Variants in MAL observed in about 807,000 individuals in gnomAD.
The protein encoded by MAL is mal, T cell differentiation protein (MAL blood group), also known as myelin and lymphocyte protein.
MAL carries 5 observed loss-of-function variants against 16.7 expected under a neutral mutation model. The ratio of observed to expected loss-of-function variants is 0.30; its 90% CI spans 0.16 to 0.63. The LOEUF (loss-of-function observed/expected upper bound fraction) is 0.63, where lower values mean the gene tolerates loss of function less well. Among genes scored for constraint, MAL ranks in the 30% least tolerant of loss-of-function variants. The pLI is 0.82. For synonymous variants in MAL, 96 were observed against 85.5 expected, an observed-to-expected ratio of 1.12 and a Z score of -0.67; for missense variants, 202 against 195.8, an observed-to-expected ratio of 1.03 and a Z score of -0.19.
chr2:95,046,848 A>G (rs1674596208), intron 1 of MAL, among the ~76,000 whole-genome samples: 1 of 151,558 alleles, frequency 6.6e-6, no homozygotes, highest in Non-Finnish European at 1.5e-5. Context: ...AGAGAAAGAG[A>G]AAGGGAGAGA....
rs1674632959 is a variant in MAL at position 95,048,110 on chromosome 2, C to T, written c.245C>T (p.Thr82Ile). ...LYIIGAHGGE[T>I]SWVTLDAAYH... ...ATAATTGGAGCCCACGGTGGAGAGA[C>T]TTCCTGGGTCACCTTGGTGAGTCCA... is the stretch of plus-strand genomic sequence containing the variant. The change falls in exon 2 of 4, where the codon ACT becomes ATT. Residue 82 changes from threonine to isoleucine, a missense_variant. Transcript: ENST00000309988. 5 of 1,613,388 alleles carry T rather than the reference C, an allele frequency of 3.1e-6. No individual in the cohort carries two copies. The African/African-American group carries it at 5.3e-5, about 17-fold the overall frequency.
chr2:95,047,898 G>A (rs1674626491), intron 1 of MAL, 61 bp from the exon 2 acceptor site: 13 of 1,538,630 alleles, frequency 8.4e-6, no homozygotes, highest in Non-Finnish European at 1.1e-5. Flanking sequence ...GCTGGTCGGG[G>A]GCCCTTCCTG....
In MAL at chr2:95,053,573, C is replaced by T; in HGVS notation, c.*118C>T. 1.3e-6 allele frequency: 1 copy of T among 741,840 alleles called. No individual in the cohort carries two copies. The highest frequency in any genetic ancestry group is 2.6e-5 in the Admixed American group (1 of 38,284). The allele number at this position is 741,840 out of a possible 1,614,324, so 46.0% of individuals were successfully genotyped here. A position where few individuals can be genotyped will look rare whatever the true frequency, so the allele number is the denominator to read the frequency against. On this transcript the variant is annotated 3_prime_UTR_variant, in exon 4 of 4. Coordinates refer to ENST00000309988, the MANE Select transcript of MAL (RefSeq NM_002371.4). ...ATGGTGGAAAAAAGAAAACAACCACCCCCCCACTGCCCAAAAAAAAAAGCC... is the reference window on the plus strand; with the variant it reads ...ATGGTGGAAAAAAGAAAACAACCACTCCCCCACTGCCCAAAAAAAAAAGCC...
chr2:95,036,020 G>A (rs973127931), intron 1 of MAL, among the ~76,000 whole-genome samples: 1 of 152,114 alleles, frequency 6.6e-6, no homozygotes, highest in Non-Finnish European at 1.5e-5. Context: ...TTCACAAACT[G>A]ATCCAAACCC....
At chr2:95,039,704 C>G (rs1186073836) in intron 1 of MAL, among the ~76,000 whole-genome samples, 5 of 131,632 alleles carry the variant, frequency 3.8e-5, no homozygotes, top group Admixed American at 3.1e-4. Flanking sequence ...GACTGAGTGA[C>G]TGAGTGAGGA....
chr2:95,047,187 A>G (rs767551822), intron 1 of MAL, among the ~76,000 whole-genome samples: 5 of 152,334 alleles, frequency 3.3e-5, no homozygotes, highest in South Asian at 4.1e-4. Flanking sequence ...GAGGGCTAGA[A>G]TATCAGAAGA....
chr2:95,029,214 G>T (rs1349265867), intron 1 of MAL, among the ~76,000 whole-genome samples: 3 of 152,146 alleles, frequency 2.0e-5, no homozygotes, highest in Non-Finnish European at 2.9e-5. Context: ...GCTTTCAGAT[G>T]GCATCTAAGC....
At position 95,053,770 on chromosome 2, in the gene MAL, A is replaced by G; in HGVS notation, c.*315A>G. 2.9e-6 allele frequency: 1 copy of G among 340,758 alleles called. No homozygotes were observed. The highest frequency in any genetic ancestry group is 4.1e-5 in the Admixed American group (1 of 24,458). The allele number at this position is 340,758 out of a possible 1,614,324, so 21.1% of individuals were successfully genotyped here. A position where few individuals can be genotyped will look rare whatever the true frequency, so the allele number is the denominator to read the frequency against. On this transcript the variant is annotated 3_prime_UTR_variant, in exon 4 of 4. Transcript: ENST00000309988. Reference sequence around the variant, plus strand: ...GGGAAGTGGCGACCGTGACCTGAGAAGGAAAGAAAGATCCTCTGCTGACCC... The same window carrying G: ...GGGAAGTGGCGACCGTGACCTGAGAGGGAAAGAAAGATCCTCTGCTGACCC...
At chr2:95,043,956 T>C (rs1277865443) in intron 1 of MAL, among the ~76,000 whole-genome samples, 1 of 152,138 alleles carries the variant, frequency 6.6e-6, no homozygotes, top group Non-Finnish European at 1.5e-5. Flanking sequence ...CAAGGACTGG[T>C]GTAAGAGCGT....
intron 3 of MAL, among the ~76,000 whole-genome samples, chr2:95,050,851 C>A (rs1674701090): frequency 6.6e-6 from 1 of 152,238 alleles, no homozygotes. Flanking sequence ...AGCAGCAGCA[C>A]AGCCAGGGGG....
intron 1 of MAL, among the ~76,000 whole-genome samples, chr2:95,046,859 G>C (rs1291908538): frequency 6.6e-6 from 1 of 151,206 alleles, no homozygotes; most frequent in Non-Finnish European, 1.5e-5. Flanking sequence ...AAGGGAGAGA[G>C]AGAGAGAAAG....
intron 1 of MAL, among the ~76,000 whole-genome samples, chr2:95,036,307 G>A (rs1674203858): frequency 6.6e-6 from 1 of 152,138 alleles, no homozygotes; most frequent in African/African-American, 2.4e-5. Context: ...CCCCTCCCCC[G>A]ATCTCTCCTC....
chr2:95,027,723 T>G (rs1043709927), intron 1 of MAL, among the ~76,000 whole-genome samples: 6 of 152,208 alleles, frequency 3.9e-5, no homozygotes, highest in African/African-American at 1.4e-4. Context: ...TTTTTGTTTT[T>G]GCTTTTGAGA....
At chr2:95,038,850 G>A (rs1402729533) in intron 1 of MAL, among the ~76,000 whole-genome samples, 2 of 12,410 alleles carry the variant, frequency 1.6e-4, no homozygotes, top group African/African-American at 6.4e-4. Flanking sequence ...GTGAATGACC[G>A]AGTGACTGAG....
chr2:95,049,718 C>T lies in MAL; in HGVS notation c.387+12C>T. ...ACATTGCTGCCGTGGTGAGTCCGGG[C>T]ACCTGGGGCTGTGTCCACAGCGGGC... On this transcript the variant is annotated intron_variant, in intron 3 of 3. Transcript: ENST00000309988. 1 of 1,614,000 alleles carries T rather than the reference C, an allele frequency of 6.2e-7. No homozygotes were observed. The highest frequency in any genetic ancestry group is 1.1e-5 in the South Asian group (1 of 91,056).
intron 1 of MAL, among the ~76,000 whole-genome samples, chr2:95,033,351 G>A (rs1226621039): frequency 1.3e-5 from 2 of 152,168 alleles, no homozygotes; most frequent in African/African-American, 2.4e-5. Flanking sequence ...TGCTGTATGT[G>A]TCTTAAACAC....
At chr2:95,048,166 G>T (rs763894637) in intron 2 of MAL, 40 bp downstream of exon 2, 1 of 1,559,968 alleles carries the variant, frequency 6.4e-7, no homozygotes, top group Non-Finnish European at 8.8e-7. Flanking sequence ...GTAGGGGGGC[G>T]CAGGAAGTAC....
chr2:95,053,441 T>C lies in MAL; in HGVS notation c.448T>C (p.Trp150Arg). 3.7e-6 allele frequency: 6 copies of C among 1,613,382 alleles called. No individual in the cohort carries two copies. The highest frequency in any genetic ancestry group is 5.1e-6 in the Non-Finnish European group (6 of 1,179,380). Residue 150 changes from tryptophan (W) to arginine (R), a missense_variant, in exon 4 of 4, where the codon TGG (tryptophan) becomes CGG (arginine). Physicochemically the swap from Trp to Arg is moderately radical, Grantham distance 101. Coordinates refer to ENST00000309988, the MANE Select transcript of MAL (RefSeq NM_002371.4). ...CCATGCGGTGTTCTCTTTAATCAGA[T>C]GGAAGTCTTCATAAAGCCGCAGTAG... ...VVHAVFSLIR[W>R]KSS
chr2:95,025,739 C>A lies in MAL; in HGVS notation c.-54C>A. 7.8e-7 allele frequency: 1 copy of A among 1,289,856 alleles called. No individual in the cohort carries two copies. The highest frequency in any genetic ancestry group is 1.1e-6 in the Non-Finnish European group (1 of 951,096). The allele number at this position is 1,289,856 out of a possible 1,614,324, so 79.9% of individuals were successfully genotyped here. On this transcript the variant is annotated 5_prime_UTR_variant, in exon 1 of 4. Coordinates refer to ENST00000309988, the MANE Select transcript of MAL (RefSeq NM_002371.4). This position sits in a 1 kb window ranked among gnomAD's most constrained non-coding sequence, Gnocchi z 5.6. The stretch of plus-strand genomic sequence containing the variant: ...CTCCGCGGAGCCAGCGAGAGGTCTG[C>A]GCGGAGTCTGAGCGGCGCTCGTCCC...
Sources: allele counts gnomAD v4.1 joint callset (sites outside exome capture counted in the v4.1 genomes callset), GRCh38; gene constraint gnomAD v4.1.1; non-coding constraint Gnocchi (gnomAD v3.1); transcripts MANE v1.5; gene names NCBI Gene and HGNC (gene_info 2026-07-23, HGNC 2026-07-21).